RC3H1: variants seen among roughly 807,000 people sequenced by gnomAD.
The protein encoded by RC3H1 is roquin-1.
RC3H1 carries 50 observed loss-of-function variants against 138.2 expected under a neutral mutation model. That is an observed-to-expected ratio of 0.36 (90% CI 0.29 to 0.46). The LOEUF (loss-of-function observed/expected upper bound fraction) is 0.46. Among genes scored for constraint, RC3H1 ranks in the 20% least tolerant of loss-of-function variants. The pLI, the probability that RC3H1 is intolerant of heterozygous loss-of-function variation, is 1.00. For missense variants in RC3H1, 1,031 were observed against 1,388.1 expected, an observed-to-expected ratio of 0.74 and a Z score of 4.09; for synonymous variants, 462 against 489.1, an observed-to-expected ratio of 0.94 and a Z score of 0.73.
rs1353431524 is a variant in RC3H1, at chr1:173,936,516, A to G, written c.*2205T>C. 6 of 143,346 alleles carry G rather than the reference A, an allele frequency of 4.2e-5. No individual in the cohort carries two copies. The highest frequency in any genetic ancestry group is 9.2e-5 in the Non-Finnish European group (6 of 65,500). 8.9% of individuals were successfully genotyped at this position (143,346 alleles called of 1,614,324 possible). The stretch of plus-strand genomic sequence containing the variant: ...GCAACAGAAGCAGACTCCCTCTCCA[A>G]AAAAAAAAAAAAAAAAAAAAAAAGA... On this transcript the variant is annotated 3_prime_UTR_variant, in exon 20 of 20. Coordinates refer to ENST00000367696, the MANE Select transcript of RC3H1 (RefSeq NM_172071.4).
chr1:173,949,076 C>CA (rs909484921), intron 14 of RC3H1, among the ~76,000 whole-genome samples: 33 of 121,376 alleles, frequency 2.7e-4, no homozygotes, highest in South Asian at 5.1e-4. Context: ...AATTCTACTG[C>CA]AAAAAAAAAA....
intron 13 of RC3H1, among the ~76,000 whole-genome samples, chr1:173,959,923 T>C (rs1659795560): frequency 6.6e-6 from 1 of 151,818 alleles, no homozygotes; most frequent in South Asian, 2.1e-4. Flanking sequence ...CTGGCCAACA[T>C]GGTGAAACCG....
At chr1:173,977,114 C>G (rs1459673046) in intron 7 of RC3H1, among the ~76,000 whole-genome samples, 3 of 151,754 alleles carry the variant, frequency 2.0e-5, no homozygotes, top group Non-Finnish European at 4.4e-5. Context: ...TTAGTAGAGA[C>G]GGGGTTTCAT....
chr1:173,983,399 C>T lies in RC3H1; in HGVS notation c.592+19G>A, dbSNP rs1317617298. 3 of 1,613,032 alleles carry T rather than the reference C, an allele frequency of 1.9e-6. No individual in the cohort carries two copies. The highest frequency in any genetic ancestry group is 2.2e-5 in the East Asian group (1 of 44,872). On this transcript the variant is annotated intron_variant, in intron 4 of 19. Coordinates refer to ENST00000367696, the MANE Select transcript of RC3H1 (RefSeq NM_172071.4). ...TTTAGAATTACCAGCAGAATAAATA[C>T]CTAAAGTTAATTATGTACCTGGTCC...
chr1:173,974,554 G>A (rs907153790), intron 7 of RC3H1, among the ~76,000 whole-genome samples: 1 of 152,016 alleles, frequency 6.6e-6, no homozygotes, highest in Non-Finnish European at 1.5e-5. Context: ...AATATACCAA[G>A]GGAAAAACAT....
At position 173,936,755 on chromosome 1, in the gene RC3H1, ATATATAT is replaced by A. The variant is rs1156828804; in HGVS notation, c.*1959_*1965del. 7.4e-5 allele frequency: 3 copies of A among 40,706 alleles called. No homozygotes were observed. The highest frequency in any genetic ancestry group is 7.0e-5 in the Non-Finnish European group (2 of 28,544). 2.5% of individuals were successfully genotyped at this position (40,706 alleles called of 1,614,324 possible). ...CATATATATATATATATATATATAT[ATATATAT>A]TTTTTTTTTTTTTTTTAAAAAAAGA... On this transcript the variant is annotated 3_prime_UTR_variant, in exon 20 of 20. Coordinates refer to ENST00000367696, the MANE Select transcript of RC3H1 (RefSeq NM_172071.4).
At chr1:173,995,001 T>C (rs542687437) in intron 1 of RC3H1, among the ~76,000 whole-genome samples, 1 of 152,258 alleles carries the variant, frequency 6.6e-6, no homozygotes, top group South Asian at 2.1e-4. Context: ...TAACTAAATA[T>C]ATAATTGCAA....
intron 14 of RC3H1, 75 bp downstream of exon 14, chr1:173,951,911 C>T: frequency 7.3e-7 from 1 of 1,378,934 alleles, no homozygotes; most frequent in Non-Finnish European, 9.8e-7. Flanking sequence ...ATTATTTGTG[C>T]CTAAATGGTA....
At chr1:173,993,561 T>A (rs1040935780) in intron 1 of RC3H1, among the ~76,000 whole-genome samples, 9 of 151,772 alleles carry the variant, frequency 5.9e-5, no homozygotes, top group Non-Finnish European at 1.2e-4. Context: ...ACCTGACTAA[T>A]TTTGTATTTT....
Position 173,946,543 on chromosome 1 carries a change from T to G in RC3H1, c.2894A>C (p.Gln965Pro). 6.2e-7 allele frequency: 1 copy of G among 1,614,130 alleles called. No homozygotes were observed. Among genetic ancestry groups the G allele is most frequent in the Non-Finnish European group, 8.5e-7 (1 of 1,179,950 alleles). ...GKPLPSAERE[Q>P]LRLELQQLNH... ...CAATTGCTGCAATTCTAGTCGTAGC[T>G]GTTCTCTCTCAGCAGATGGAAGGGG... The change falls in exon 17 of 20, where the codon CAG becomes CCG. Residue 965 changes from glutamine (Q) to proline (P), a missense_variant. Around this residue, in one of 7 missense-constraint regions of RC3H1, gnomAD observed 716 missense variants for 837.9 expected, o/e 0.85. Coordinates refer to ENST00000367696, the MANE Select transcript of RC3H1 (RefSeq NM_172071.4).
chr1:174,003,574 C>G (rs1247666768), intron 1 of RC3H1, among the ~76,000 whole-genome samples: 1 of 152,048 alleles, frequency 6.6e-6, no homozygotes, highest in East Asian at 1.9e-4. Flanking sequence ...GTGACAATTT[C>G]TTAACTGGTA....
intron 17 of RC3H1, 53 bp from the exon 18 acceptor site, chr1:173,943,668 C>T: frequency 6.6e-7 from 1 of 1,513,300 alleles, no homozygotes; most frequent in Non-Finnish European, 8.9e-7. Flanking sequence ...ACACCATGCA[C>T]AGAATAACCA....
intron 1 of RC3H1, among the ~76,000 whole-genome samples, chr1:174,007,426 A>G (rs929198588): frequency 1.3e-5 from 2 of 151,762 alleles, no homozygotes; most frequent in Non-Finnish European, 2.9e-5. Flanking sequence ...AATCATCAGT[A>G]TGTATTCTTT....
At chr1:173,977,782 C>T (rs1021796304) in intron 7 of RC3H1, among the ~76,000 whole-genome samples, 28 of 152,142 alleles carry the variant, frequency 1.8e-4, no homozygotes, top group African/African-American at 6.5e-4. Context: ...ACAGAAGTAG[C>T]ACTCAGGTCA....
intron 1 of RC3H1, among the ~76,000 whole-genome samples, chr1:174,004,750 G>A (rs1008805683): frequency 2.0e-5 from 3 of 152,024 alleles, no homozygotes; most frequent in Non-Finnish European, 4.4e-5. Context: ...CCCAGGAGGC[G>A]GAAGTTGCAG....
intron 9 of RC3H1, among the ~76,000 whole-genome samples, chr1:173,968,688 T>G (rs906288800): frequency 2.0e-5 from 3 of 152,216 alleles, no homozygotes; most frequent in Admixed American, 6.5e-5. Context: ...GTAGAAAATT[T>G]TACTACTAAT....
Position 173,962,047 on chromosome 1 carries a change from G to A in RC3H1, c.1880C>T (p.Pro627Leu). 6.2e-7 allele frequency: 1 copy of A among 1,613,976 alleles called. No homozygotes were observed. Among genetic ancestry groups the A allele is most frequent in the Non-Finnish European group, 8.5e-7 (1 of 1,179,948 alleles). The change falls in exon 12 of 20, where the codon CCT becomes CTT. Residue 627 changes from proline (P) to leucine (L), a missense_variant. Pro to Leu is a moderately conservative substitution (Grantham distance 98). This residue lies in a region of RC3H1 where 716 missense variants were observed against 837.9 expected (regional missense o/e 0.85). Coordinates refer to ENST00000367696, the MANE Select transcript of RC3H1 (RefSeq NM_172071.4). Reference protein sequence around the residue: ...PPQCVSRFVRPPPSAPEPAPP... With the variant: ...PPQCVSRFVRLPPSAPEPAPP... ...AGCAGGTTCAGGAGCAGATGGTGGAGGTCGGACAAAGCGGGACACACATTG... is the reference window on the plus strand; with the variant it reads ...AGCAGGTTCAGGAGCAGATGGTGGAAGTCGGACAAAGCGGGACACACATTG...
intron 13 of RC3H1, 104 bp from the exon 14 acceptor site, chr1:173,952,242 A>G (rs1659437927): frequency 1.3e-6 from 1 of 741,462 alleles, no homozygotes; most frequent in Non-Finnish European, 1.9e-6. Flanking sequence ...GGAATTTCTT[A>G]GAACATCGTG....
In RC3H1 at chr1:173,933,323, C is replaced by T. The variant is rs1361197062; in HGVS notation, c.*5398G>A. 1 of 151,914 alleles carries T rather than the reference C, an allele frequency of 6.6e-6. No individual in the cohort carries two copies. Among genetic ancestry groups the T allele is most frequent in the Admixed American group, 6.6e-5 (1 of 15,252 alleles). 9.4% of individuals were successfully genotyped at this position (151,914 alleles called of 1,614,324 possible). A position where few individuals can be genotyped will look rare whatever the true frequency, so the allele number is the denominator to read the frequency against. On this transcript the variant is annotated 3_prime_UTR_variant, in exon 20 of 20. Transcript: ENST00000367696. ...TATTACAATAAGATTTCAAAGGGCT[C>T]TTTACCCACTTTGTTCAGTGCAGTA...
Sources: gnomAD v4.1 joint callset for allele counts (sites outside exome capture counted in the v4.1 genomes callset) on GRCh38, gnomAD v4.1.1 for gene constraint, gnomAD v4.1.1 regional missense constraint, MANE v1.5 for transcripts, NCBI Gene and HGNC (gene_info 2026-07-23, HGNC 2026-07-21) for gene names.